Variants in WIPF1 observed in about 807,000 individuals in gnomAD.
WIPF1 encodes WAS/WASL interacting protein family member 1, also known as WAS/WASL-interacting protein family member 1.
WIPF1 carries 13 observed loss-of-function variants against 35.4 expected under a neutral mutation model. That is an observed-to-expected ratio of 0.37 (90% confidence interval 0.24 to 0.58). The LOEUF (loss-of-function observed/expected upper bound fraction) is 0.58. Among genes scored for constraint, WIPF1 ranks in the 20% least tolerant of loss-of-function variants. The pLI is 0.74. For synonymous variants in WIPF1, 267 were observed against 266.3 expected (o/e 1.00, Z -0.02); for missense variants, 591 against 667.0 (o/e 0.89, Z 1.25).
intron 1 of WIPF1, among the ~76,000 whole-genome samples, chr2:174,681,720 G>A (rs1448534231): frequency 6.6e-6 from 1 of 152,104 alleles, no homozygotes; most frequent in Non-Finnish European, 1.5e-5. Context: ...GATCCAGGGG[G>A]CAGGACGGAC....
intron 3 of WIPF1, among the ~76,000 whole-genome samples, chr2:174,578,341 G>A (rs1445732829): frequency 6.6e-6 from 1 of 152,084 alleles, no homozygotes; most frequent in East Asian, 1.9e-4. Context: ...TTATTAGACA[G>A]CCTTCCATCT....
chr2:174,567,984 C>T lies in WIPF1; in HGVS notation c.1219G>A (p.Val407Ile). 1 of 1,614,110 alleles carries T rather than the reference C, an allele frequency of 6.2e-7. No homozygotes were observed. Among genetic ancestry groups the T allele is most frequent in the Non-Finnish European group, 8.5e-7 (1 of 1,180,044 alleles). ...CTGGGTCCACTCCTGGGACTGTCTA[C>T]TCCACTCCTGGATGGCAACTGAGGG... is the stretch of plus-strand genomic sequence containing the variant. ...ATPQLPSRSG[V>I]DSPRSGPRPP... is the part of the protein sequence containing the mutation. Residue 407 changes from valine to isoleucine, a missense_variant, in exon 6 of 8, where the codon GTA becomes ATA. Physicochemically the swap from Val to Ile is conservative, Grantham distance 29 (BLOSUM62 3). This residue lies in a region of WIPF1 where 117 missense variants were observed against 149.6 expected (regional missense o/e 0.78). Transcript: ENST00000679041.
chr2:174,642,411 A>T (rs1456948630), intron 1 of WIPF1, among the ~76,000 whole-genome samples: 2 of 141,170 alleles, frequency 1.4e-5, no homozygotes, highest in Non-Finnish European at 3.0e-5. Flanking sequence ...CAGTGGCGCA[A>T]TCACGGCTCA....
chr2:174,562,278 C>T lies in WIPF1; in HGVS notation c.*269G>A. 1 of 1,526,164 alleles carries T rather than the reference C, an allele frequency of 6.6e-7. No individual in the cohort carries two copies. Among genetic ancestry groups the T allele is most frequent in the Non-Finnish European group, 8.8e-7 (1 of 1,133,246 alleles). 94.5% of individuals were successfully genotyped at this position (1,526,164 alleles called of 1,614,324 possible). A position where few individuals can be genotyped will look rare whatever the true frequency, so the allele number is the denominator to read the frequency against. On this transcript the variant is annotated 3_prime_UTR_variant, in exon 8 of 8. Coordinates refer to ENST00000679041, the MANE Select transcript of WIPF1 (RefSeq NM_001375834.1). ...AAAGCTGGGATGCAAGTCATCTCTG[C>T]CTATTACGACAAAAGCCTATCGACC... is the stretch of plus-strand genomic sequence containing the variant.
At chr2:174,619,945 A>G (rs1314596989) in intron 1 of WIPF1, among the ~76,000 whole-genome samples, 3 of 138,050 alleles carry the variant, frequency 2.2e-5, no homozygotes, top group Admixed American at 2.1e-4. Flanking sequence ...CTGTCTCAAG[A>G]AAAAAAAAAA....
Position 174,567,979 on chromosome 2 carries a change from G to C in WIPF1, c.1224C>G (p.Asp408Glu). 10 of 1,614,128 alleles carry C rather than the reference G, an allele frequency of 6.2e-6. No homozygotes were observed. The highest frequency in any genetic ancestry group is 8.5e-6 in the Non-Finnish European group (10 of 1,180,024). The change falls in exon 6 of 8, where the codon GAC (aspartate) becomes GAG (glutamate). Residue 408 changes from aspartate (D) to glutamate (E), a missense_variant. By Grantham distance (45) the Asp-to-Glu change is conservative (BLOSUM62 2). Around this residue, in one of 3 missense-constraint regions of WIPF1, gnomAD observed 117 missense variants for 149.6 expected, o/e 0.78. Transcript: ENST00000679041. ...TPQLPSRSGV[D>E]SPRSGPRPPL... is the part of the protein sequence containing the mutation. ...GAGGCCTGGGTCCACTCCTGGGACT[G>C]TCTACTCCACTCCTGGATGGCAACT... is the stretch of plus-strand genomic sequence containing the variant.
intron 1 of WIPF1, among the ~76,000 whole-genome samples, chr2:174,617,952 A>G (rs1476314960): frequency 5.9e-5 from 9 of 152,244 alleles, no homozygotes; most frequent in Non-Finnish European, 1.3e-4. Flanking sequence ...TTTCATTTCC[A>G]CAGTTCTTAG....
chr2:174,671,079 G>A (rs1233929668), intron 1 of WIPF1, among the ~76,000 whole-genome samples: 1 of 152,236 alleles, frequency 6.6e-6, no homozygotes, highest in Non-Finnish European at 1.5e-5. Context: ...GTGTACATGT[G>A]TGCAGATGCA....
intron 1 of WIPF1, chr2:174,655,491 A>T (rs904909573): frequency 6.6e-6 from 1 of 152,066 alleles, no homozygotes; most frequent in African/African-American, 2.4e-5. Context: ...TATTTTGCAA[A>T]CCCTAGGTAT....
At position 174,677,914 on chromosome 2, in the gene WIPF1, C is replaced by T. The variant is rs543305091; in HGVS notation, c.-39+4860G>A. Among the ~76,000 whole-genome samples the T allele has an allele frequency of 2.0e-5, 3 of 152,258 alleles. No homozygotes were observed. The South Asian group carries it at 6.2e-4, about 32-fold the overall frequency. ...AGGTGCGATGCTTGGAATCAGACTG[C>T]TCCACATTTGAATACTAGCTCTGTC... On this transcript the variant is annotated intron_variant, in intron 1 of 8. Transcript: ENST00000272746.
At chr2:174,614,524 TGC>T (rs1427317328) in intron 1 of WIPF1, among the ~76,000 whole-genome samples, 1 of 152,114 alleles carries the variant, frequency 6.6e-6, no homozygotes, top group African/African-American at 2.4e-5. Context: ...AAAAAAAACA[TGC>T]CACAATTCCT....
At chr2:174,644,787 C>G (rs1406724981) in intron 1 of WIPF1, among the ~76,000 whole-genome samples, 2 of 152,164 alleles carry the variant, frequency 1.3e-5, no homozygotes, top group African/African-American at 4.8e-5. Flanking sequence ...TGCTGAATGG[C>G]TAGAATTCTG....
At chr2:174,602,031 C>A (rs1686026333), upstream of WIPF1, among the ~76,000 whole-genome samples, 1 of 152,118 alleles carries the variant, frequency 6.6e-6, no homozygotes, top group South Asian at 2.1e-4. Flanking sequence ...TAACCAAAGG[C>A]CTGAGATAAG....
At chr2:174,567,725 A>G in intron 6 of WIPF1, 136 bp downstream of exon 6, 1 of 915,416 alleles carries the variant, frequency 1.1e-6, no homozygotes, top group Non-Finnish European at 1.6e-6. Flanking sequence ...TAGAATGGTT[A>G]GATAGTTAGA....
intron 1 of WIPF1, among the ~76,000 whole-genome samples, chr2:174,611,409 T>C (rs1282515243): frequency 6.6e-6 from 1 of 152,194 alleles, no homozygotes; most frequent in African/African-American, 2.4e-5. Flanking sequence ...GATGATATAT[T>C]GCTAGGCCAG....
chr2:174,647,084 T>C (rs974579390), intron 1 of WIPF1, among the ~76,000 whole-genome samples: 22 of 151,968 alleles, frequency 1.4e-4, no homozygotes, highest in Admixed American at 3.9e-4. Context: ...CATACTTTCC[T>C]AAATTTGGAA....
intron 1 of WIPF1, among the ~76,000 whole-genome samples, chr2:174,672,853 C>T (rs186910538): frequency 7.5e-4 from 114 of 152,330 alleles, no homozygotes; most frequent in Non-Finnish European, 1.2e-3. Context: ...CATTTACTGC[C>T]CTTTTCATGT....
chr2:174,572,575 T>C, intron 4 of WIPF1, 129 bp from the exon 5 acceptor site: 1 of 1,281,224 alleles, frequency 7.8e-7, no homozygotes, highest in Non-Finnish European at 1.0e-6. Context: ...AACTATTATT[T>C]ATATAAATTG....
At chr2:174,678,435 T>C (rs1315400074) in intron 1 of WIPF1, among the ~76,000 whole-genome samples, 1 of 152,240 alleles carries the variant, frequency 6.6e-6, no homozygotes, top group Non-Finnish European at 1.5e-5. Flanking sequence ...TCTCAACAAA[T>C]ATTTGTGACC....
Sources: gnomAD v4.1 joint callset for allele counts (sites outside exome capture counted in the v4.1 genomes callset) on GRCh38, gnomAD v4.1.1 for gene constraint, gnomAD v4.1.1 regional missense constraint, MANE v1.5 for transcripts, NCBI Gene and HGNC (gene_info 2026-07-23, HGNC 2026-07-21) for gene names.